PRKCQ: variants seen among roughly 807,000 people sequenced by gnomAD.
PRKCQ encodes the protein protein kinase C theta, also known as protein kinase C theta type.
Under a neutral mutation model 91.2 loss-of-function variants are expected in PRKCQ, and 41 were observed. That is an observed-to-expected ratio of 0.45 (90% CI 0.35 to 0.58). The LOEUF is 0.58. PRKCQ is among the 20% of genes least tolerant of loss of function. The pLI is 0.00. For synonymous variants in PRKCQ, 307 were observed against 316.9 expected (o/e 0.97, Z 0.33); for missense variants, 673 against 896.5 (o/e 0.75, Z 3.18).
At chr10:6,395,758 C>T in the PRKCQ span, among the ~76,000 whole-genome samples, 1 of 152,124 alleles carries the variant, frequency 6.6e-6, no homozygotes, top group Non-Finnish European at 1.5e-5. Flanking sequence ...AGAAGCAAGG[C>T]GGAGTCAGGT....
Position 6,526,101 on chromosome 10 carries a change from CTA to C in PRKCQ, c.-9-10959_-9-10958del, listed in dbSNP as rs763858343. Among the ~76,000 whole-genome samples the C allele has an allele frequency of 2.2e-4, 33 of 152,296 alleles. No homozygotes were observed. The Middle Eastern group carries it at 0.02, about 94-fold the overall frequency. On this transcript the variant is annotated intron_variant, in intron 1 of 17. Transcript: ENST00000263125. Reference sequence around the variant, plus strand: ...CAATGCCCAGCACATAGTAAGCCTTCTATATGTGTTTATTTTCATTATTTGAA... The same window carrying C: ...CAATGCCCAGCACATAGTAAGCCTTCTATGTGTTTATTTTCATTATTTGAA...
At chr10:6,458,441 T>G (rs1310244471) in intron 14 of PRKCQ, among the ~76,000 whole-genome samples, 1 of 152,100 alleles carries the variant, frequency 6.6e-6, no homozygotes, top group Non-Finnish European at 1.5e-5. Flanking sequence ...AGGGGAGAAC[T>G]TCAGAGTCCA....
chr10:6,510,838 A>G (rs1052206158), intron 3 of PRKCQ, among the ~76,000 whole-genome samples, 157 bp downstream of exon 3: 1 of 152,158 alleles, frequency 6.6e-6, no homozygotes, highest in African/African-American at 2.4e-5. Flanking sequence ...ATAAAGAATA[A>G]CCATCGCCAT....
At chr10:6,528,270 T>A (rs1422463962) in intron 1 of PRKCQ, among the ~76,000 whole-genome samples, 4 of 152,146 alleles carry the variant, frequency 2.6e-5, no homozygotes, top group Admixed American at 2.6e-4. Context: ...GTCACTCATT[T>A]TTTGGTTAAC....
intron 12 of PRKCQ, among the ~76,000 whole-genome samples, chr10:6,467,750 C>T (rs1220248037): frequency 6.6e-6 from 1 of 152,176 alleles, no homozygotes; most frequent in African/African-American, 2.4e-5. Flanking sequence ...GTTTCCTCCT[C>T]TGAAAAATGA....
At chr10:6,535,035 A>G (rs768703943) in intron 1 of PRKCQ, among the ~76,000 whole-genome samples, 2 of 152,186 alleles carry the variant, frequency 1.3e-5, no homozygotes, top group Non-Finnish European at 2.9e-5. Flanking sequence ...TGTTCCCATT[A>G]TAAAGAAGGG....
At chr10:6,483,736 C>G in intron 10 of PRKCQ, 136 bp from the exon 11 acceptor site, 1 of 1,025,506 alleles carries the variant, frequency 9.8e-7, no homozygotes. Context: ...AGAGGGTTTC[C>G]TACAGTTCAG....
At chr10:6,510,104 G>A (rs1275626408) in intron 3 of PRKCQ, among the ~76,000 whole-genome samples, 1 of 152,208 alleles carries the variant, frequency 6.6e-6, no homozygotes, top group African/African-American at 2.4e-5. Flanking sequence ...GAAGCAGAAA[G>A]TCAGGATTCT....
chr10:6,462,473 T>C lies in PRKCQ; in HGVS notation c.1446-108A>G. 1.1e-5 allele frequency: 10 copies of C among 883,352 alleles called. 1 individual carries two copies. The highest frequency in any genetic ancestry group is 7.4e-5 in the South Asian group (5 of 67,560). 54.7% of individuals were successfully genotyped at this position (883,352 alleles called of 1,614,324 possible). On this transcript the variant is annotated intron_variant, in intron 13 of 17. Transcript: ENST00000263125. The stretch of plus-strand genomic sequence containing the variant: ...ACATGCTGTGTATGGCTAAATGGCA[T>C]ACACACATAACTCTGTTTAATCCTA...
At chr10:6,551,421 T>C (rs1286307291) in intron 1 of PRKCQ, among the ~76,000 whole-genome samples, 1 of 146,678 alleles carries the variant, frequency 6.8e-6, no homozygotes, top group Non-Finnish European at 1.5e-5. Flanking sequence ...TGAGATGGAG[T>C]CTCACTCTGT....
intron 1 of PRKCQ, among the ~76,000 whole-genome samples, chr10:6,552,137 T>C (rs568834932): frequency 1.3e-5 from 2 of 152,344 alleles, no homozygotes; most frequent in East Asian, 3.9e-4. Context: ...AAATGTCTAC[T>C]CAAGTCTTTT....
In PRKCQ at chr10:6,427,235, C is replaced by T. The variant is rs1180966110; in HGVS notation, c.*972G>A. The T allele has an allele frequency of 1.3e-5, 2 of 151,920 alleles. No homozygotes were observed. The highest frequency in any genetic ancestry group is 6.6e-5 in the Admixed American group (1 of 15,244). 9.4% of individuals were successfully genotyped at this position (151,920 alleles called of 1,614,324 possible). A position where few individuals can be genotyped will look rare whatever the true frequency, so the allele number is the denominator to read the frequency against. ...TCAAAATATACACACAGCACAAATA[C>T]CTTTAAAATGTATGGTTGGAATTCT... On this transcript the variant is annotated 3_prime_UTR_variant, in exon 18 of 18. Coordinates refer to ENST00000263125, the MANE Select transcript of PRKCQ (RefSeq NM_006257.5).
chr10:6,496,843 T>C (rs1262896620), intron 7 of PRKCQ, among the ~76,000 whole-genome samples, 192 bp downstream of exon 7: 1 of 152,174 alleles, frequency 6.6e-6, no homozygotes, highest in East Asian at 1.9e-4. Flanking sequence ...CCTGGCTAAT[T>C]TCTAATTCAT....
At chr10:6,529,137 C>T (rs1192346471) in intron 1 of PRKCQ, among the ~76,000 whole-genome samples, 1 of 152,140 alleles carries the variant, frequency 6.6e-6, no homozygotes, top group Non-Finnish European at 1.5e-5. Flanking sequence ...TTAGAAGTGG[C>T]TGATTGGGAT....
chr10:6,551,960 C>T (rs1840202099), intron 1 of PRKCQ, among the ~76,000 whole-genome samples: 1 of 152,212 alleles, frequency 6.6e-6, no homozygotes, highest in Non-Finnish European at 1.5e-5. Flanking sequence ...ATTCCATTTT[C>T]TCCACAACCT....
At chr10:6,432,127 AG>A (rs1272768547) in intron 16 of PRKCQ, among the ~76,000 whole-genome samples, 1 of 152,208 alleles carries the variant, frequency 6.6e-6, no homozygotes, top group African/African-American at 2.4e-5. Flanking sequence ...GGGCATTTTA[AG>A]GAGCCTAAGG....
At chr10:6,559,820 G>C (rs1840555625) in intron 1 of PRKCQ, among the ~76,000 whole-genome samples, 2 of 29,940 alleles carry the variant, frequency 6.7e-5, no homozygotes, top group Admixed American at 1.0e-3. Flanking sequence ...TGTTCTTTGA[G>C]TTTTGTGTGT....
chr10:6,472,904 A>G (rs1290416658), intron 12 of PRKCQ, among the ~76,000 whole-genome samples: 1 of 151,966 alleles, frequency 6.6e-6, no homozygotes, highest in Non-Finnish European at 1.5e-5. Flanking sequence ...GTGGAGACAG[A>G]GTTTCGCCAT....
intron 12 of PRKCQ, among the ~76,000 whole-genome samples, chr10:6,473,192 A>G (rs1048038883): frequency 6.6e-6 from 1 of 152,224 alleles, no homozygotes; most frequent in Non-Finnish European, 1.5e-5. Flanking sequence ...ACTATGCACC[A>G]GCCTTGTATG....
Sources: allele counts gnomAD v4.1 joint callset (sites outside exome capture counted in the v4.1 genomes callset), GRCh38; gene constraint gnomAD v4.1.1; transcripts MANE v1.5; gene names NCBI Gene and HGNC (gene_info 2026-07-23, HGNC 2026-07-21).